Variants in GLIS3 observed in about 807,000 individuals in gnomAD.
The protein encoded by GLIS3 is zinc finger protein GLIS3.
Under a neutral mutation model 78.6 loss-of-function variants are expected in GLIS3, and 53 were observed. That is an observed-to-expected ratio of 0.67 (90% CI 0.54 to 0.85). The LOEUF (loss-of-function observed/expected upper bound fraction) is 0.85. Ranked by LOEUF, GLIS3 falls within the 40% of genes least tolerant of loss-of-function variation. The pLI is 0.00. For synonymous variants in GLIS3, 684 were observed against 509.9 expected (o/e 1.34, Z -4.60); for missense variants, 1,703 against 1,231.1 (o/e 1.38, Z -5.74).
At chr9:3,828,578 A>T (rs748990044) in intron 10 of GLIS3, among the ~76,000 whole-genome samples, 170 bp from the exon 11 acceptor site, 4 of 152,212 alleles carry the variant, frequency 2.6e-5, no homozygotes, top group Non-Finnish European at 5.9e-5. Context: ...TAGTGAGGGA[A>T]GAGGCTGACT....
intron 2 of GLIS3, among the ~76,000 whole-genome samples, chr9:4,271,653 TAATTAAATCC>T (rs1478771837): frequency 6.6e-6 from 1 of 152,204 alleles, no homozygotes; most frequent in Non-Finnish European, 1.5e-5. Flanking sequence ...TGGATTTTTA[TAATTAAATCC>T]CCTTTTACCT....
At chr9:4,411,448 A>C in the GLIS3 span, among the ~76,000 whole-genome samples, 1 of 152,188 alleles carries the variant, frequency 6.6e-6, no homozygotes, top group Non-Finnish European at 1.5e-5. Flanking sequence ...CATATTTTTT[A>C]GTTATCATGA....
chr9:4,147,080 A>G (rs918059587), intron 2 of GLIS3, among the ~76,000 whole-genome samples: 2 of 152,202 alleles, frequency 1.3e-5, no homozygotes, highest in African/African-American at 4.8e-5. Context: ...GCCCACTGCA[A>G]TTAATCTCCT....
At chr9:4,105,652 C>G (rs60210069) in intron 4 of GLIS3, among the ~76,000 whole-genome samples, 1 of 152,048 alleles carries the variant, frequency 6.6e-6, no homozygotes, top group East Asian at 1.9e-4. Context: ...TCATTTTTTC[C>G]GAAGTTCTGA....
chr9:4,321,232 A>C (rs183762589), intron 2 of GLIS3, among the ~76,000 whole-genome samples: 2,095 of 142,350 alleles, frequency 0.015, 74 homozygotes, highest in African/African-American at 0.055. Context: ...CATCCTGGCT[A>C]ACACGGTGAA....
chr9:4,064,558 G>T (rs1053330605), intron 4 of GLIS3, among the ~76,000 whole-genome samples: 1 of 152,156 alleles, frequency 6.6e-6, no homozygotes, highest in Admixed American at 6.6e-5. Flanking sequence ...CCAAGGCCGA[G>T]GCAGGCAGTT....
At chr9:4,261,803 C>G (rs1262768129) in intron 2 of GLIS3, among the ~76,000 whole-genome samples, 1 of 152,144 alleles carries the variant, frequency 6.6e-6, no homozygotes, top group African/African-American at 2.4e-5. Context: ...AAAATAGGTC[C>G]TTTTCACTCT....
chr9:4,447,871 C>T, the GLIS3 span, among the ~76,000 whole-genome samples: 39 of 152,124 alleles, frequency 2.6e-4, no homozygotes, highest in Admixed American at 2.1e-3. Context: ...TTTCTGGTTC[C>T]CTTTTACATT....
intron 2 of GLIS3, among the ~76,000 whole-genome samples, chr9:4,158,435 G>A (rs946430300): frequency 1.3e-5 from 2 of 152,162 alleles, no homozygotes; most frequent in Non-Finnish European, 2.9e-5. Flanking sequence ...CAGGCAGGAA[G>A]GGTCGAGATT....
At chr9:4,154,582 C>T (rs149306823) in intron 2 of GLIS3, among the ~76,000 whole-genome samples, 2 of 148,160 alleles carry the variant, frequency 1.3e-5, no homozygotes, top group African/African-American at 5.1e-5. Flanking sequence ...GAGTTAAAGA[C>T]TTACATAAAC....
At chr9:4,106,036 T>G (rs183299042) in intron 4 of GLIS3, among the ~76,000 whole-genome samples, 33 of 152,280 alleles carry the variant, frequency 2.2e-4, no homozygotes, top group Admixed American at 1.6e-3. Context: ...TACGATGCAG[T>G]TTGGAGCTTT....
At chr9:3,984,486 A>C (rs777771608) in intron 4 of GLIS3, among the ~76,000 whole-genome samples, 5 of 152,184 alleles carry the variant, frequency 3.3e-5, no homozygotes, top group Non-Finnish European at 5.9e-5. Flanking sequence ...AATTTCTCCC[A>C]TTTGGAATGG....
the GLIS3 span, among the ~76,000 whole-genome samples, chr9:4,457,779 G>C: frequency 1.3e-5 from 2 of 151,450 alleles, no homozygotes; most frequent in African/African-American, 4.9e-5. Flanking sequence ...GAACCCGGGA[G>C]GCAGAGGTTG....
intron 2 of GLIS3, among the ~76,000 whole-genome samples, chr9:4,324,936 A>G (rs1817579825): frequency 6.6e-6 from 1 of 152,234 alleles, no homozygotes; most frequent in Admixed American, 6.5e-5. Context: ...AGCAGTTAAC[A>G]TTTACTGAGA....
chr9:4,327,072 T>C (rs1000165120), intron 2 of GLIS3, among the ~76,000 whole-genome samples: 2 of 152,174 alleles, frequency 1.3e-5, no homozygotes, highest in African/African-American at 4.8e-5. Context: ...GAGGTTACAA[T>C]GTGATCTGTG....
intron 4 of GLIS3, among the ~76,000 whole-genome samples, chr9:3,939,716 AAAGATT>A (rs1331556632): frequency 2.6e-5 from 4 of 152,238 alleles, no homozygotes; most frequent in African/African-American, 9.6e-5. Flanking sequence ...TTCTCGGGGA[AAAGATT>A]ATGAATGAAG....
intron 2 of GLIS3, among the ~76,000 whole-genome samples, chr9:4,137,781 G>C (rs1003187769): frequency 1.3e-5 from 2 of 152,306 alleles, no homozygotes; most frequent in East Asian, 3.9e-4. Flanking sequence ...TTAACTGAAA[G>C]CTGCTCTGCT....
the GLIS3 span, among the ~76,000 whole-genome samples, chr9:4,396,198 T>C: frequency 6.6e-6 from 1 of 151,990 alleles, no homozygotes; most frequent in East Asian, 1.9e-4. Context: ...CTGCAAACTC[T>C]ACCTCTGGGG....
At chr9:3,844,331 A>G (rs996295183) in intron 9 of GLIS3, among the ~76,000 whole-genome samples, 1 of 152,222 alleles carries the variant, frequency 6.6e-6, no homozygotes, top group Non-Finnish European at 1.5e-5. Flanking sequence ...TTAAAATATA[A>G]GAAATATAAG....
Sources: gnomAD v4.1 joint callset for allele counts (sites outside exome capture counted in the v4.1 genomes callset) on GRCh38, gnomAD v4.1.1 for gene constraint, MANE v1.5 for transcripts, NCBI Gene and HGNC (gene_info 2026-07-23, HGNC 2026-07-21) for gene names.